Variants in FAM135B observed in about 807,000 individuals in gnomAD.
The protein encoded by FAM135B is family with sequence similarity 135 member B, also known as protein FAM135B.
In FAM135B, 43 loss-of-function variants were observed where a neutral mutation model predicts 127.7. The ratio of observed to expected loss-of-function variants is 0.34; its 90% CI spans 0.26 to 0.43. The LOEUF is 0.43. Among genes scored for constraint, FAM135B ranks in the 20% least tolerant of loss-of-function variants. The probability of loss-of-function intolerance (pLI) is 1.00; values close to 1 mark genes in which losing one functional copy is unlikely to be tolerated. For missense variants in FAM135B, 1,558 were observed against 1,725.6 expected, an observed-to-expected ratio of 0.90 and a Z score of 1.72; for synonymous variants, 670 against 665.1, an observed-to-expected ratio of 1.01 and a Z score of -0.11.
intron 3 of FAM135B, among the ~76,000 whole-genome samples, chr8:138,271,752 T>C (rs1350512897): frequency 2.0e-5 from 3 of 152,216 alleles, no homozygotes; most frequent in Admixed American, 1.3e-4. Flanking sequence ...TTATTAATTA[T>C]ATGATTGGAA....
intron 1 of FAM135B, among the ~76,000 whole-genome samples, chr8:138,420,785 T>C (rs1834448313): frequency 6.6e-6 from 1 of 152,102 alleles, no homozygotes; most frequent in African/African-American, 2.4e-5. Context: ...TTCAACGAAA[T>C]TCAACATCCC....
At chr8:138,484,775 C>T (rs1814921506) in intron 1 of FAM135B, among the ~76,000 whole-genome samples, 1 of 152,142 alleles carries the variant, frequency 6.6e-6, no homozygotes, top group South Asian at 2.1e-4. Flanking sequence ...GAATCTCATT[C>T]TGTTATTCAG....
chr8:138,342,381 C>T (rs1186861168), intron 2 of FAM135B, among the ~76,000 whole-genome samples: 1 of 152,186 alleles, frequency 6.6e-6, no homozygotes, highest in African/African-American at 2.4e-5. Context: ...CAGGAAGTTT[C>T]ATTGCTGCTT....
At chr8:138,465,651 G>A (rs1376572237) in intron 1 of FAM135B, among the ~76,000 whole-genome samples, 6 of 152,142 alleles carry the variant, frequency 3.9e-5, no homozygotes, top group South Asian at 4.1e-4. Context: ...CAGGAGCCCA[G>A]CCCTACAACA....
chr8:138,149,563 G>A (rs11985645), intron 13 of FAM135B, among the ~76,000 whole-genome samples: 123,872 of 152,130 alleles, frequency 0.81, 50,789 homozygotes, highest in East Asian at 1. Flanking sequence ...ATGATGGTTA[G>A]GGGACTGGAC....
intron 1 of FAM135B, among the ~76,000 whole-genome samples, chr8:138,399,588 G>T (rs1469276828): frequency 2.6e-5 from 4 of 152,164 alleles, no homozygotes; most frequent in Non-Finnish European, 5.9e-5. Flanking sequence ...ATAGATGGGG[G>T]TTCTCTGCAA....
At chr8:138,339,848 C>T (rs888109828) in intron 2 of FAM135B, among the ~76,000 whole-genome samples, 6 of 152,178 alleles carry the variant, frequency 3.9e-5, no homozygotes, top group Non-Finnish European at 5.9e-5. Flanking sequence ...AGAGGGGTTC[C>T]GTCGCTTCCT....
rs1586830084 is a variant in FAM135B at position 138,229,108 on chromosome 8, A to G, written c.669+13834T>C. On this transcript the variant is annotated intron_variant, in intron 7 of 19. Transcript: ENST00000395297. ...TGGAAATCGGCAATGCTGTCAGCACAATGCTGTTTGGTCAGTTTCTGGCTG... is the reference window on the plus strand; with the variant it reads ...TGGAAATCGGCAATGCTGTCAGCACGATGCTGTTTGGTCAGTTTCTGGCTG... Among the ~76,000 whole-genome samples, 3 of 152,212 alleles carry G rather than the reference A, an allele frequency of 2.0e-5. 1 individual carries two copies.
chr8:138,209,776 A>G (rs1429177495), intron 7 of FAM135B, among the ~76,000 whole-genome samples: 3 of 152,188 alleles, frequency 2.0e-5, no homozygotes, highest in South Asian at 2.1e-4. Flanking sequence ...TAAATTTTAC[A>G]TAAGTGGAAT....
chr8:138,241,504 T>C lies in FAM135B; in HGVS notation c.669+1438A>G, dbSNP rs1439675847. On this transcript the variant is annotated intron_variant, in intron 7 of 19. Transcript: ENST00000395297. This position sits in a 1 kb window ranked among gnomAD's most constrained non-coding sequence, Gnocchi z 4.8. ...CAGCAGCTTGGACAAGATGAAGACA[T>C]GAGTTGGGCAGCTTTTGCCACCAGA... is the stretch of plus-strand genomic sequence containing the variant. Among the ~76,000 whole-genome samples the C allele has an allele frequency of 6.6e-6, 1 of 152,092 alleles. No individual in the cohort carries two copies.
intron 7 of FAM135B, among the ~76,000 whole-genome samples, chr8:138,201,403 A>G (rs149576782): frequency 2.0e-5 from 3 of 152,356 alleles, no homozygotes; most frequent in Non-Finnish European, 2.9e-5. Flanking sequence ...TTGAAATAAT[A>G]ATAAGTCAAA....
At position 138,361,630 on chromosome 8, in the gene FAM135B, C is replaced by G. The variant is rs191799742; in HGVS notation, c.77+6277G>C. Among the ~76,000 whole-genome samples, 261 of 152,256 alleles carry G rather than the reference C, an allele frequency of 1.7e-3. 2 individuals are homozygous for G. The highest frequency in any genetic ancestry group is 3.5e-3 in the Non-Finnish European group (236 of 68,028). The stretch of plus-strand genomic sequence containing the variant: ...AGTCTGTGGCAGTTGACACTCACAT[C>G]CCTACATCTCCAAGTCTAATAAAAA... On this transcript the variant is annotated intron_variant, in intron 2 of 19. Transcript: ENST00000395297.
At chr8:138,139,233 A>G (rs754660861) in intron 17 of FAM135B, 137 bp from the exon 18 acceptor site, 187 of 581,230 alleles carry the variant, frequency 3.2e-4, no homozygotes, top group Non-Finnish European at 5.1e-4. Flanking sequence ...CATACTAGCA[A>G]ATAGTTGGGA....
At position 138,151,300 on chromosome 8, in the gene FAM135B, A is replaced by G. The variant is rs201618567; in HGVS notation, c.3175T>C (p.Ser1059Pro). ...KETPARAGFS[S>P]KQTLFPITHQ... ...GTGATGGGAAACAGGGTCTGTTTGG[A>G]AGAGAATCCAGCCCTGGCAGGGGTC... Residue 1059 changes from serine to proline, a missense_variant, in exon 13 of 20, where the codon TCC (serine) becomes CCC (proline). By Grantham distance (74) the Ser-to-Pro change is moderately conservative. Coordinates refer to ENST00000395297, the MANE Select transcript of FAM135B (RefSeq NM_015912.4). The G allele has an allele frequency of 6.2e-7, 1 of 1,614,028 alleles. No homozygotes were observed.
At chr8:138,349,195 A>T (rs1315131643) in intron 2 of FAM135B, among the ~76,000 whole-genome samples, 1 of 152,218 alleles carries the variant, frequency 6.6e-6, no homozygotes, top group Non-Finnish European at 1.5e-5. Context: ...CAAAGGATGT[A>T]CCTCTGTGCC....
At chr8:138,179,580 C>T (rs146531188) in intron 9 of FAM135B, among the ~76,000 whole-genome samples, 1 of 152,330 alleles carries the variant, frequency 6.6e-6, no homozygotes, top group East Asian at 1.9e-4. Context: ...AAAAAACGTC[C>T]TGAGAGAAGA....
intron 5 of FAM135B, among the ~76,000 whole-genome samples, chr8:138,255,980 G>A (rs1220704022): frequency 6.6e-6 from 1 of 152,166 alleles, no homozygotes; most frequent in African/African-American, 2.4e-5. Flanking sequence ...TTCTACCCTA[G>A]GGAAGCCTGG....
intron 1 of FAM135B, among the ~76,000 whole-genome samples, chr8:138,423,746 C>T (rs988290505): frequency 1.2e-4 from 18 of 152,208 alleles, no homozygotes; most frequent in African/African-American, 3.6e-4. Flanking sequence ...ACCTATCTGA[C>T]CAAAATTTAT....
intron 7 of FAM135B, among the ~76,000 whole-genome samples, chr8:138,217,308 T>G (rs979875353): frequency 2.6e-5 from 4 of 152,226 alleles, no homozygotes; most frequent in Non-Finnish European, 4.4e-5. Flanking sequence ...CTGAAAAAGT[T>G]CTTAGCTTAA....
Sources: gnomAD v4.1 joint callset for allele counts (sites outside exome capture counted in the v4.1 genomes callset) on GRCh38, gnomAD v4.1.1 for gene constraint, Gnocchi (gnomAD v3.1) non-coding constraint, MANE v1.5 for transcripts, NCBI Gene and HGNC (gene_info 2026-07-23, HGNC 2026-07-21) for gene names.